Variants in RUBCNL observed in about 807,000 individuals in gnomAD.
RUBCNL encodes protein associated with UVRAG as autophagy enhancer.
Under a neutral mutation model 69.5 loss-of-function variants are expected in RUBCNL, and 62 were observed. The ratio of observed to expected loss-of-function variants is 0.89; its 90% CI spans 0.73 to 1.10. The LOEUF is 1.10. Ranked by LOEUF, RUBCNL falls within the 50% of genes least tolerant of loss-of-function variation. The probability of loss-of-function intolerance (pLI) is 0.00; values close to 1 mark genes in which losing one functional copy is unlikely to be tolerated. For missense variants in RUBCNL, 768 were observed against 798.1 expected (o/e 0.96, Z 0.45); for synonymous variants, 291 against 303.6 (o/e 0.96, Z 0.43).
At chr13:46,356,579 G>T in intron 9 of RUBCNL, 83 bp from the exon 10 acceptor site, 1 of 1,183,582 alleles carries the variant, frequency 8.4e-7, no homozygotes, top group Non-Finnish European at 1.2e-6. Flanking sequence ...AATTGCCATC[G>T]TGATACTTTT....
chr13:46,371,444 A>C lies in RUBCNL; in HGVS notation c.535+497T>G, dbSNP rs1236326931. Among the ~76,000 whole-genome samples the C allele has an allele frequency of 1.3e-5, 2 of 152,238 alleles. 1 individual carries two copies. Among genetic ancestry groups the C allele is most frequent in the Non-Finnish European group, 2.9e-5 (2 of 68,044 alleles). ...GCAGTGAGAGCCCTTGTTTTAATAA[A>C]AAGGGGTTTTGTATAGTCTTCAGGG... On this transcript the variant is annotated intron_variant, in intron 3 of 14. Coordinates refer to ENST00000429979, the MANE Select transcript of RUBCNL (RefSeq NM_025113.5).
rs1476065269 is a variant in RUBCNL, at chr13:46,356,481, C to T, written c.1281G>A (p.Val427=). 1.1e-5 allele frequency: 17 copies of T among 1,613,898 alleles called. No individual in the cohort carries two copies. The highest frequency in any genetic ancestry group is 1.4e-5 in the Non-Finnish European group (17 of 1,179,868). The change falls in exon 10 of 15, where the codon GTG becomes GTA. Residue 427 remains valine (V), a synonymous_variant. Transcript: ENST00000429979. ...IHPPLKRDLV[V]AAQNFFCAGC... ...CGGCACAGAAAAAATTCTGGGCTGCCACCACAAGGTCCCTCCTGAATACGA... is the reference window on the plus strand; with the variant it reads ...CGGCACAGAAAAAATTCTGGGCTGCTACCACAAGGTCCCTCCTGAATACGA...
At chr13:46,356,592 A>T (rs889973476) in intron 9 of RUBCNL, 96 bp from the exon 10 acceptor site, 2 of 961,596 alleles carry the variant, frequency 2.1e-6, no homozygotes, top group African/African-American at 3.3e-5. Context: ...ATACTTTTCT[A>T]ACTAAGGGCC....
At chr13:46,375,245 A>T (rs542657034) in intron 2 of RUBCNL, among the ~76,000 whole-genome samples, 1 of 152,108 alleles carries the variant, frequency 6.6e-6, no homozygotes, top group South Asian at 2.1e-4. Flanking sequence ...TAAGAGCTAG[A>T]GAAAAGACCG....
chr13:46,378,023 A>G lies in RUBCNL; in HGVS notation c.-238-18T>C, dbSNP rs1239439326. Reference sequence around the variant, plus strand: ...TATTTTATCTGTAAGGCAAAAAACAATTTGCCAGATGCTATGATACCACTG... The same window carrying G: ...TATTTTATCTGTAAGGCAAAAAACAGTTTGCCAGATGCTATGATACCACTG... On this transcript the variant is annotated intron_variant, in intron 1 of 14. Transcript: ENST00000429979. The G allele has an allele frequency of 3.7e-6, 5 of 1,362,612 alleles. No individual in the cohort carries two copies. Among genetic ancestry groups the G allele is most frequent in the Non-Finnish European group, 5.0e-6 (5 of 993,272 alleles). The allele number at this position is 1,362,612 out of a possible 1,614,324, so 84.4% of individuals were successfully genotyped here. A position where few individuals can be genotyped will look rare whatever the true frequency, so the allele number is the denominator to read the frequency against.
At chr13:46,384,770 C>T (rs989862243) in intron 1 of RUBCNL, among the ~76,000 whole-genome samples, 1 of 152,322 alleles carries the variant, frequency 6.6e-6, no homozygotes, top group African/African-American at 2.4e-5. Flanking sequence ...TTTCTTTCTA[C>T]ACTCTGAGAA....
At chr13:46,357,332 CAAAA>C (rs750289413) in intron 9 of RUBCNL, among the ~76,000 whole-genome samples, 2 of 53,298 alleles carry the variant, frequency 3.8e-5, no homozygotes, top group African/African-American at 7.4e-5. Flanking sequence ...GACTCCGTCT[CAAAA>C]AAAAAAAAAA....
intron 1 of RUBCNL, among the ~76,000 whole-genome samples, chr13:46,378,862 C>T (rs942867109): frequency 1.3e-5 from 2 of 152,198 alleles, no homozygotes; most frequent in Non-Finnish European, 2.9e-5. Context: ...CCAATACTAA[C>T]TGCCTATTGA....
chr13:46,385,866 C>T (rs575254478), intron 1 of RUBCNL, among the ~76,000 whole-genome samples: 74 of 152,276 alleles, frequency 4.9e-4, no homozygotes, highest in Non-Finnish European at 4.6e-4. Flanking sequence ...AAAGTTCCTA[C>T]CATCTCCCAC....
At chr13:46,383,080 C>T (rs569400866) in intron 1 of RUBCNL, among the ~76,000 whole-genome samples, 1 of 152,342 alleles carries the variant, frequency 6.6e-6, no homozygotes, top group Non-Finnish European at 1.5e-5. Context: ...GGATGAAGCA[C>T]AACTGGCCAT....
At chr13:46,383,246 ACCT>A (rs1322439696) in intron 1 of RUBCNL, among the ~76,000 whole-genome samples, 1 of 152,080 alleles carries the variant, frequency 6.6e-6, no homozygotes, top group Non-Finnish European at 1.5e-5. Flanking sequence ...TGCCTATCTG[ACCT>A]CCTTATCTGC....
rs1215851017 is a variant in RUBCNL at position 46,339,251 on chromosome 13, A to C, written c.*4134T>G. Among the ~76,000 whole-genome samples the C allele has an allele frequency of 6.6e-6, 1 of 152,170 alleles. No individual in the cohort carries two copies. Among genetic ancestry groups the C allele is most frequent in the South Asian group, 2.1e-4 (1 of 4,832 alleles). ...GCATTACTCATAAAAGTATTGTTTT[A>C]GTTTCTAGTGAAGTGAAAAAGGGGA... is the stretch of plus-strand genomic sequence containing the variant. On this transcript the variant is annotated 3_prime_UTR_variant, in exon 15 of 15. Coordinates refer to ENST00000429979, the MANE Select transcript of RUBCNL (RefSeq NM_025113.5).
At chr13:46,370,146 TG>T (rs2048846249) in intron 3 of RUBCNL, among the ~76,000 whole-genome samples, 1 of 152,084 alleles carries the variant, frequency 6.6e-6, no homozygotes, top group Admixed American at 6.5e-5. Context: ...CGGAACAGAG[TG>T]GATTCCAGTT....
At chr13:46,373,554 A>G (rs2048924926) in intron 2 of RUBCNL, among the ~76,000 whole-genome samples, 1 of 152,254 alleles carries the variant, frequency 6.6e-6, no homozygotes, top group Non-Finnish European at 1.5e-5. Context: ...AGAGCTACAC[A>G]AACAAGAAGC....
intron 8 of RUBCNL, 64 bp from the exon 9 acceptor site, chr13:46,359,695 A>C (rs1486424119): frequency 5.8e-6 from 8 of 1,372,904 alleles, no homozygotes; most frequent in African/African-American, 1.5e-5. Context: ...TAAATTAAAG[A>C]AACATCTAAA....
intron 4 of RUBCNL, 101 bp downstream of exon 4, chr13:46,368,632 T>C: frequency 1.5e-6 from 2 of 1,305,190 alleles, no homozygotes; most frequent in Non-Finnish European, 2.1e-6. Flanking sequence ...GGAAACCTAT[T>C]TGTAATGATT....
chr13:46,349,331 A>G lies in RUBCNL; in HGVS notation c.1586T>C (p.Leu529Pro), dbSNP rs767016560. Residue 529 changes from leucine (L) to proline (P), a missense_variant, in exon 12 of 15, where the codon CTC becomes CCC. By Grantham distance (98) the Leu-to-Pro change is moderately conservative. Coordinates refer to ENST00000429979, the MANE Select transcript of RUBCNL (RefSeq NM_025113.5). Reference protein sequence around the residue: ...LDRVKEIQEQLFHIKKLLKTC... With the variant: ...LDRVKEIQEQPFHIKKLLKTC... ...CTTCAACAGCTTCTTGATATGGAAG[A>G]GCTGCTCCTGAATTTCCTAATGGGA... is the stretch of plus-strand genomic sequence containing the variant. 5 of 1,613,632 alleles carry G rather than the reference A, an allele frequency of 3.1e-6. No individual in the cohort carries two copies. The highest frequency in any genetic ancestry group is 4.2e-6 in the Non-Finnish European group (5 of 1,179,720).
At chr13:46,360,850 C>T (rs573041588) in intron 8 of RUBCNL, among the ~76,000 whole-genome samples, 1 of 152,296 alleles carries the variant, frequency 6.6e-6, no homozygotes, top group East Asian at 1.9e-4. Flanking sequence ...GCTGACCAGC[C>T]CTGCTGGGAG....
chr13:46,368,920 A>T, intron 3 of RUBCNL, 105 bp from the exon 4 acceptor site: 2 of 788,856 alleles, frequency 2.5e-6, no homozygotes, highest in Non-Finnish European at 4.2e-6. Flanking sequence ...GTAAAAAAAT[A>T]AGCACAATTC....
Sources: gnomAD v4.1 joint callset for allele counts (sites outside exome capture counted in the v4.1 genomes callset) on GRCh38, gnomAD v4.1.1 for gene constraint, MANE v1.5 for transcripts, NCBI Gene and HGNC (gene_info 2026-07-23, HGNC 2026-07-21) for gene names.